Variants in RNF220 observed in about 807,000 individuals in gnomAD.
The protein encoded by RNF220 is E3 ubiquitin-protein ligase RNF220.
RNF220 carries 7 observed loss-of-function variants against 67.1 expected under a neutral mutation model. The observed-to-expected ratio is 0.10, with a 90% CI of 0.06 to 0.20. The LOEUF is 0.20. Ranked by LOEUF, RNF220 falls within the 10% of genes least tolerant of loss-of-function variation. The probability of loss-of-function intolerance (pLI) is 1.00; values close to 1 mark genes in which losing one functional copy is unlikely to be tolerated. For synonymous variants in RNF220, 270 were observed against 283.2 expected, an observed-to-expected ratio of 0.95 and a Z score of 0.47; for missense variants, 565 against 740.3, an observed-to-expected ratio of 0.76 and a Z score of 2.75.
intron 3 of RNF220, among the ~76,000 whole-genome samples, chr1:44,619,838 G>A (rs1346335406): frequency 6.6e-6 from 1 of 152,174 alleles, no homozygotes; most frequent in African/African-American, 2.4e-5. Context: ...CAAGCACACT[G>A]GGAGGTAATC....
chr1:44,443,661 T>A (rs1237311819), intron 2 of RNF220, among the ~76,000 whole-genome samples: 5 of 152,342 alleles, frequency 3.3e-5, no homozygotes, highest in South Asian at 2.1e-4. Flanking sequence ...TGTTAATGAG[T>A]ATTTTGGTTT....
At chr1:44,425,212 G>A (rs556568658) in intron 2 of RNF220, among the ~76,000 whole-genome samples, 9 of 152,212 alleles carry the variant, frequency 5.9e-5, no homozygotes, top group East Asian at 3.9e-4. Flanking sequence ...GGATGCTCTC[G>A]TCAACTTTGC....
intron 2 of RNF220, among the ~76,000 whole-genome samples, chr1:44,434,953 G>C (rs1396726272): frequency 3.3e-5 from 5 of 150,592 alleles, no homozygotes; most frequent in Admixed American, 3.3e-4. Context: ...CTTGAGCCTA[G>C]TAGTTCAAGG....
At chr1:44,520,124 TGTGTGAGAGA>T (rs989153474) in intron 2 of RNF220, among the ~76,000 whole-genome samples, 1 of 142,712 alleles carries the variant, frequency 7.0e-6, no homozygotes, top group Non-Finnish European at 1.5e-5. Context: ...TGTGTGTGTG[TGTGTGAGAGA>T]GAGAGAGAGA....
intron 2 of RNF220, among the ~76,000 whole-genome samples, chr1:44,513,178 A>T (rs1659164619): frequency 6.6e-6 from 1 of 152,138 alleles, no homozygotes; most frequent in African/African-American, 2.4e-5. Flanking sequence ...CTGTTCTTTG[A>T]TGATATCTTC....
chr1:44,629,241 T>G (rs1453608378), intron 5 of RNF220, among the ~76,000 whole-genome samples: 2 of 152,228 alleles, frequency 1.3e-5, no homozygotes, highest in Non-Finnish European at 2.9e-5. Context: ...CACACATCAC[T>G]TCCACCACTT....
intron 2 of RNF220, among the ~76,000 whole-genome samples, chr1:44,528,089 G>A (rs1660540597): frequency 6.6e-6 from 1 of 151,962 alleles, no homozygotes; most frequent in Admixed American, 6.6e-5. Context: ...AAAGGCAAAT[G>A]CCACCTGAAA....
chr1:44,491,039 A>G (rs1480232578), intron 2 of RNF220, among the ~76,000 whole-genome samples: 1 of 152,220 alleles, frequency 6.6e-6, no homozygotes, highest in Non-Finnish European at 1.5e-5. Flanking sequence ...ACTCAAGAAG[A>G]AGAAAAATCT....
chr1:44,632,199 G>A (rs1380958926), intron 5 of RNF220, 144 bp from the exon 6 acceptor site: 2 of 1,597,862 alleles, frequency 1.3e-6, no homozygotes, highest in Admixed American at 1.7e-5. Context: ...GGGCCGGCGG[G>A]AGGGAGGAAG....
chr1:44,446,892 T>C (rs559253323), intron 2 of RNF220, among the ~76,000 whole-genome samples: 1 of 152,276 alleles, frequency 6.6e-6, no homozygotes, highest in African/African-American at 2.4e-5. Context: ...CAATAAGGCA[T>C]AATGGGTGAA....
At chr1:44,633,075 G>A (rs1644215931) in intron 6 of RNF220, among the ~76,000 whole-genome samples, 1 of 152,182 alleles carries the variant, frequency 6.6e-6, no homozygotes, top group Non-Finnish European at 1.5e-5. Context: ...GTGGCTGTAA[G>A]GGGTTTAGGG....
intron 2 of RNF220, among the ~76,000 whole-genome samples, chr1:44,535,231 C>A: frequency 6.6e-6 from 1 of 150,450 alleles, no homozygotes; most frequent in Non-Finnish European, 1.5e-5. Flanking sequence ...ACCTCTGCCT[C>A]CCTGGGTTCA....
Position 44,437,659 on chromosome 1 carries a change from G to A in RNF220, c.625+24937G>A, listed in dbSNP as rs1347049630. 2.0e-5 allele frequency among the ~76,000 whole-genome samples: 3 copies of A among 152,176 alleles called. No individual in the cohort carries two copies. The East Asian group carries it at 5.8e-4, about 29-fold the overall frequency. On this transcript the variant is annotated intron_variant, in intron 2 of 14. Coordinates refer to ENST00000361799, the MANE Select transcript of RNF220 (RefSeq NM_018150.4). The stretch of plus-strand genomic sequence containing the variant: ...ATGCTAATAACCCTGGTGACAAATC[G>A]TCCTCTGGATTCTCTAAGGGTTAAG...
In RNF220 at chr1:44,622,632, G is replaced by A. The variant is rs1422749340; in HGVS notation, c.759-110G>A. Reference sequence around the variant, plus strand: ...GGGTGGAGCTTGGCTGAGCTGGGCTGGGCTAGGCGGTCTATGCCTTCTCTG... The same window carrying A: ...GGGTGGAGCTTGGCTGAGCTGGGCTAGGCTAGGCGGTCTATGCCTTCTCTG... On this transcript the variant is annotated intron_variant, in intron 3 of 14. Coordinates refer to ENST00000361799, the MANE Select transcript of RNF220 (RefSeq NM_018150.4). This position sits in a 1 kb window ranked among gnomAD's most constrained non-coding sequence, Gnocchi z 4.3. 1.8e-5 allele frequency: 17 copies of A among 926,032 alleles called. No individual in the cohort carries two copies. The highest frequency in any genetic ancestry group is 3.5e-6 in the Non-Finnish European group (2 of 570,934). The allele number at this position is 926,032 out of a possible 1,614,324, so 57.4% of individuals were successfully genotyped here.
At chr1:44,521,328 AGGG>A (rs1254091233) in intron 2 of RNF220, among the ~76,000 whole-genome samples, 2 of 152,260 alleles carry the variant, frequency 1.3e-5, no homozygotes, top group Admixed American at 1.3e-4. Flanking sequence ...TGTGCTTGAC[AGGG>A]GACATAAAGC....
chr1:44,406,425 TCTA>T (rs1647337624), intron 1 of RNF220, among the ~76,000 whole-genome samples: 1 of 152,234 alleles, frequency 6.6e-6, no homozygotes, highest in Non-Finnish European at 1.5e-5. Flanking sequence ...TCCCAGCGGT[TCTA>T]CTGAGCAAGG....
At chr1:44,513,586 G>A (rs1659211187) in intron 2 of RNF220, among the ~76,000 whole-genome samples, 1 of 152,172 alleles carries the variant, frequency 6.6e-6, no homozygotes, top group Non-Finnish European at 1.5e-5. Context: ...GGGGAGAAGC[G>A]GTGACATGAT....
At position 44,412,628 on chromosome 1, in the gene RNF220, A is replaced by C; in HGVS notation, c.531A>C (p.Leu177=). ...TQLPSSSPGS[L]KVDDTGKKIF... Reference sequence around the variant, plus strand: ...TGCCATCTAGCTCCCCCGGTTCACTAAAGGTTGATGACACTGGGAAGAAGA... The same window carrying C: ...TGCCATCTAGCTCCCCCGGTTCACTCAAGGTTGATGACACTGGGAAGAAGA... Residue 177 remains leucine (L), a synonymous_variant, in exon 2 of 15, where the codon CTA becomes CTC. Coordinates refer to ENST00000361799, the MANE Select transcript of RNF220 (RefSeq NM_018150.4). This position sits in a 1 kb window ranked among gnomAD's most constrained non-coding sequence, Gnocchi z 5.3. The C allele has an allele frequency of 6.2e-7, 1 of 1,614,162 alleles. No homozygotes were observed. Among genetic ancestry groups the C allele is most frequent in the Non-Finnish European group, 8.5e-7 (1 of 1,180,022 alleles).
chr1:44,450,572 A>G (rs529244681), intron 2 of RNF220, among the ~76,000 whole-genome samples: 7 of 152,332 alleles, frequency 4.6e-5, no homozygotes, highest in African/African-American at 1.7e-4. Flanking sequence ...GATGATAACC[A>G]TAAACGTGCT....
Sources: allele counts gnomAD v4.1 joint callset (sites outside exome capture counted in the v4.1 genomes callset), GRCh38; gene constraint gnomAD v4.1.1; non-coding constraint Gnocchi (gnomAD v3.1); transcripts MANE v1.5; gene names NCBI Gene and HGNC (gene_info 2026-07-23, HGNC 2026-07-21).